SPI1: variants seen among roughly 807,000 people sequenced by gnomAD.
SPI1 encodes Spi-1 proto-oncogene, also known as transcription factor PU.1.
A neutral mutation model predicts 30.7 loss-of-function variants in SPI1; 3 were observed. The observed-to-expected ratio is 0.10, with a 90% CI of 0.04 to 0.25. The LOEUF (loss-of-function observed/expected upper bound fraction) is 0.25. SPI1 is among the 10% of genes least tolerant of loss of function. The probability of loss-of-function intolerance (pLI) is 1.00; values close to 1 mark genes in which losing one functional copy is unlikely to be tolerated. For synonymous variants in SPI1, 169 were observed against 157.1 expected, an observed-to-expected ratio of 1.08 and a Z score of -0.56; for missense variants, 261 against 371.5, an observed-to-expected ratio of 0.70 and a Z score of 2.45.
At chr11:47,357,028 GTC>G (rs902920006) in intron 4 of SPI1, among the ~76,000 whole-genome samples, 53 of 146,552 alleles carry the variant, frequency 3.6e-4, no homozygotes, top group Admixed American at 6.8e-4. Context: ...CTCACACCAA[GTC>G]TCACACACAC....
At chr11:47,376,005 A>G (rs916959804) in intron 1 of SPI1, among the ~76,000 whole-genome samples, 6 of 149,734 alleles carry the variant, frequency 4.0e-5, no homozygotes, top group Non-Finnish European at 8.8e-5. Flanking sequence ...GCTCACACTC[A>G]CACTCACGCC....
In SPI1 at chr11:47,369,560, G is replaced by GAGAA. The variant is rs113307275; in HGVS notation, c.142+6072_142+6073insTTCT. On this transcript the variant is annotated intron_variant, in intron 2 of 4. Transcript: ENST00000378538. ...AGAAAGAAAACAAAAGAGAGAGAGA[G>GAGAA]AAAAAAAAAAAACAACAAATGAAAC... 4.1e-3 allele frequency among the ~76,000 whole-genome samples: 558 copies of GAGAA among 137,510 alleles called. 4 individuals carry two copies. Among genetic ancestry groups the GAGAA allele is most frequent in the Non-Finnish European group, 6.0e-3 (390 of 65,062 alleles). 90.2% of individuals were successfully genotyped at this position (137,510 alleles called of 152,430 possible). A position where few individuals can be genotyped will look rare whatever the true frequency, so the allele number is the denominator to read the frequency against.
At chr11:47,365,857 CAACT>C (rs994525223) in intron 2 of SPI1, among the ~76,000 whole-genome samples, 11 of 152,102 alleles carry the variant, frequency 7.2e-5, no homozygotes, top group African/African-American at 2.7e-4. Context: ...CCACTCCGCC[CAACT>C]AATTTTTGTA....
At chr11:47,358,396 G>T (rs2095915286) in intron 4 of SPI1, 1 of 623,024 alleles carries the variant, frequency 1.6e-6, no homozygotes, top group Non-Finnish European at 2.9e-6. Flanking sequence ...CATCATACGT[G>T]CACAGCTGCT....
At chr11:47,371,820 G>A (rs2095936350) in intron 2 of SPI1, among the ~76,000 whole-genome samples, 1 of 152,182 alleles carries the variant, frequency 6.6e-6, no homozygotes, top group Non-Finnish European at 1.5e-5. Flanking sequence ...GCCTGCCATG[G>A]CCTTCGCCCT....
chr11:47,358,793 G>A, intron 4 of SPI1, 51 bp downstream of exon 4: 1 of 1,536,162 alleles, frequency 6.5e-7, no homozygotes, highest in Non-Finnish European at 8.8e-7. Context: ...GTGGGGGCAG[G>A]GCACAGACAC....
Position 47,360,022 on chromosome 11 carries a change from T to C in SPI1, c.161A>G (p.His54Arg), listed in dbSNP as rs772645546. The change falls in exon 3 of 5, where the codon CAC (histidine) becomes CGC (arginine). Residue 54 changes from histidine (H) to arginine (R), a missense_variant. Around this residue, in one of 5 missense-constraint regions of SPI1, gnomAD observed 78 missense variants for 93.2 expected, o/e 0.84. Transcript: ENST00000378538. ...ESHSDHYWDFHPHHVHSEFES... is the reference protein window; with the variant it reads ...ESHSDHYWDFRPHHVHSEFES... Reference sequence around the variant, plus strand: ...GAACTCGCTGTGCACGTGGTGGGGGTGGAAGTCCCAGTAATGGTCTGTGGG... The same window carrying C: ...GAACTCGCTGTGCACGTGGTGGGGGCGGAAGTCCCAGTAATGGTCTGTGGG... 2 of 1,580,720 alleles carry C rather than the reference T, an allele frequency of 1.3e-6. No homozygotes were observed. The highest frequency in any genetic ancestry group is 1.1e-5 in the South Asian group (1 of 87,288).
chr11:47,363,963 CAAAAAAA>C (rs1161379136), intron 2 of SPI1, among the ~76,000 whole-genome samples: 2 of 58,882 alleles, frequency 3.4e-5, no homozygotes, highest in African/African-American at 1.4e-4. Flanking sequence ...ACTCGGTCTC[CAAAAAAA>C]AAAAAAAAAA....
At chr11:47,358,426 T>C (rs2095915341) in intron 4 of SPI1, 1 of 631,242 alleles carries the variant, frequency 1.6e-6, no homozygotes, top group Non-Finnish European at 2.9e-6. Context: ...TGAAATACAT[T>C]CATGTGTTGA....
chr11:47,355,937 C>T (rs2095907953), intron 4 of SPI1, among the ~76,000 whole-genome samples: 1 of 145,968 alleles, frequency 6.9e-6, no homozygotes, highest in African/African-American at 2.5e-5. Flanking sequence ...CCCACTCACA[C>T]TCATGCTTAA....
At chr11:47,367,143 ATGAATG>A (rs2095929467) in intron 2 of SPI1, among the ~76,000 whole-genome samples, 3 of 152,198 alleles carry the variant, frequency 2.0e-5, no homozygotes, top group Non-Finnish European at 4.4e-5. Flanking sequence ...GAATAAATTA[ATGAATG>A]TGTAGATGGT....
chr11:47,358,299 A>G, intron 4 of SPI1: 1 of 517,102 alleles, frequency 1.9e-6, no homozygotes, highest in Non-Finnish European at 3.5e-6. Flanking sequence ...CATATCACTC[A>G]CACATGCCTG....
intron 2 of SPI1, among the ~76,000 whole-genome samples, chr11:47,364,644 G>A (rs897959620): frequency 5.3e-5 from 8 of 152,080 alleles, no homozygotes; most frequent in Non-Finnish European, 8.8e-5. Context: ...CCTTAGGTGT[G>A]GGGTAAGAGG....
chr11:47,373,276 C>T (rs1383500541), intron 2 of SPI1, among the ~76,000 whole-genome samples: 4 of 152,112 alleles, frequency 2.6e-5, no homozygotes, highest in Non-Finnish European at 4.4e-5. Context: ...CGCTTGAATC[C>T]GGGAGGCGGA....
Position 47,358,510 on chromosome 11 carries a change from A to C in SPI1, c.493+334T>G, listed in dbSNP as rs10734557. On this transcript the variant is annotated intron_variant, in intron 4 of 4. Transcript: ENST00000378538. ...CATTCACCTTCTCACACACCCACTCACACAGCCACTCGCACACATGCACCT... is the reference window on the plus strand; with the variant it reads ...CATTCACCTTCTCACACACCCACTCCCACAGCCACTCGCACACATGCACCT... 450,889 of 663,600 alleles carry C rather than the reference A, an allele frequency of 0.68. 153,858 individuals carry two copies. Among genetic ancestry groups the C allele is most frequent in the African/African-American group, 0.77 (43,672 of 56,760 alleles). 41.1% of individuals were successfully genotyped at this position (663,600 alleles called of 1,614,324 possible). A position where few individuals can be genotyped will look rare whatever the true frequency, so the allele number is the denominator to read the frequency against.
At chr11:47,369,356 C>G (rs1328967206) in intron 2 of SPI1, among the ~76,000 whole-genome samples, 1 of 152,018 alleles carries the variant, frequency 6.6e-6, no homozygotes, top group African/African-American at 2.4e-5. Flanking sequence ...CTGTTGCCAC[C>G]ACCCTTGTCC....
At chr11:47,372,635 C>T (rs2095937371) in intron 2 of SPI1, among the ~76,000 whole-genome samples, 1 of 152,064 alleles carries the variant, frequency 6.6e-6, no homozygotes, top group African/African-American at 2.4e-5. Flanking sequence ...GATTGACTGT[C>T]CCCTGGGTCA....
intron 2 of SPI1, among the ~76,000 whole-genome samples, chr11:47,364,052 C>T (rs1447640431): frequency 6.8e-6 from 1 of 147,314 alleles, no homozygotes; most frequent in Admixed American, 6.8e-5. Context: ...ACTTAATTTG[C>T]ATTTTCTTTT....
At chr11:47,377,331 T>A (rs1389846840) in intron 1 of SPI1, among the ~76,000 whole-genome samples, 1 of 152,056 alleles carries the variant, frequency 6.6e-6, no homozygotes, top group Non-Finnish European at 1.5e-5. Flanking sequence ...GAAAGTGGAT[T>A]CAGGTGGGCA....
Sources: allele counts gnomAD v4.1 joint callset (sites outside exome capture counted in the v4.1 genomes callset), GRCh38; gene constraint gnomAD v4.1.1; regional missense constraint gnomAD v4.1.1; transcripts MANE v1.5; gene names NCBI Gene and HGNC (gene_info 2026-07-23, HGNC 2026-07-21).